Variants in BCAS3 observed in about 807,000 individuals in gnomAD.
BCAS3 encodes BCAS3 microtubule associated cell migration factor.
Under a neutral mutation model 116.1 loss-of-function variants are expected in BCAS3, and 53 were observed. The ratio of observed to expected loss-of-function variants is 0.46; its 90% confidence interval spans 0.37 to 0.57. BCAS3 has a LOEUF of 0.57. Ranked by LOEUF, BCAS3 falls within the 20% of genes least tolerant of loss-of-function variation. The pLI is 0.00. For missense variants in BCAS3, 917 were observed against 1,165.4 expected (o/e 0.79, Z 3.10); for synonymous variants, 391 against 408.2 (o/e 0.96, Z 0.51).
chr17:60,736,932 C>CCCTT (rs373354139), intron 5 of BCAS3, among the ~76,000 whole-genome samples: 49 of 133,296 alleles, frequency 3.7e-4, no homozygotes, highest in African/African-American at 8.6e-4. Context: ...CTTCCTCCCT[C>CCCTT]CCTTCCTTCC....
At chr17:60,955,134 T>A (rs1472627468) in intron 14 of BCAS3, among the ~76,000 whole-genome samples, 4 of 152,198 alleles carry the variant, frequency 2.6e-5, no homozygotes, top group African/African-American at 9.7e-5. Context: ...TCATTGATTT[T>A]TATATGCATA....
In BCAS3 at chr17:61,013,810, A is replaced by G. The variant is rs1422818499; in HGVS notation, c.1487-1941A>G. ...AATATAAAAGGATAGATTTGTGTCC[A>G]AGGAAGAAGTAACATTTGGTTAAGC... is the stretch of plus-strand genomic sequence containing the variant. On this transcript the variant is annotated intron_variant, in intron 15 of 23. Coordinates refer to ENST00000407086, the MANE Select transcript of BCAS3 (RefSeq NM_017679.5). This position sits in a 1 kb window ranked among gnomAD's most constrained non-coding sequence, Gnocchi z 4.4. Among the ~76,000 whole-genome samples the G allele has an allele frequency of 6.6e-6, 1 of 152,138 alleles. No homozygotes were observed. Among genetic ancestry groups the G allele is most frequent in the Non-Finnish European group, 1.5e-5 (1 of 67,974 alleles).
At chr17:60,852,270 A>G (rs2053242156) in intron 7 of BCAS3, among the ~76,000 whole-genome samples, 1 of 151,530 alleles carries the variant, frequency 6.6e-6, no homozygotes, top group Non-Finnish European at 1.5e-5. Flanking sequence ...AAAGAAAACC[A>G]CTCTTTGATT....
Position 60,842,582 on chromosome 17 carries a change from C to T in BCAS3, c.477-25994C>T, listed in dbSNP as rs56910113. ...TTTTGCCAATATTCTGCATACTCTA[C>T]GGGACATGATCTTCTGTGATTCTAC... On this transcript the variant is annotated intron_variant, in intron 7 of 23. Coordinates refer to ENST00000407086, the MANE Select transcript of BCAS3 (RefSeq NM_017679.5). Among the ~76,000 whole-genome samples, 395 of 152,072 alleles carry T rather than the reference C, an allele frequency of 2.6e-3. 4 individuals carry two copies. Among genetic ancestry groups the T allele is most frequent in the Middle Eastern group, 0.01 (3 of 294 alleles).
chr17:60,698,305 G>C (rs1228685184), intron 4 of BCAS3, among the ~76,000 whole-genome samples: 1 of 151,686 alleles, frequency 6.6e-6, no homozygotes, highest in East Asian at 1.9e-4. Flanking sequence ...TAATAACTTT[G>C]AGGAATAATA....
In BCAS3 at chr17:61,344,691, G is replaced by A. The variant is rs2057392896; in HGVS notation, c.2426-23636G>A. 6.6e-6 allele frequency among the ~76,000 whole-genome samples: 1 copy of A among 152,114 alleles called. No individual in the cohort carries two copies. Among genetic ancestry groups the A allele is most frequent in the South Asian group, 2.1e-4 (1 of 4,830 alleles). ...TAAGCTGCAGTTGAGGGATGAGCAA[G>A]GCGAAGATGTAAAGGCCCTGGGGTG... On this transcript the variant is annotated intron_variant, in intron 22 of 23. Transcript: ENST00000407086. The surrounding 1 kb of genome is among the most constrained non-coding windows in gnomAD (Gnocchi z 4.1).
intron 22 of BCAS3, among the ~76,000 whole-genome samples, chr17:61,108,177 T>C (rs1021446868): frequency 6.6e-6 from 1 of 152,226 alleles, no homozygotes; most frequent in Non-Finnish European, 1.5e-5. Context: ...CTTTCTCTTA[T>C]CTGGTAATTT....
chr17:60,729,890 C>A (rs2040288328), intron 5 of BCAS3, among the ~76,000 whole-genome samples: 1 of 152,216 alleles, frequency 6.6e-6, no homozygotes, highest in Non-Finnish European at 1.5e-5. Context: ...CCGACACTCT[C>A]TATAATGGTG....
intron 5 of BCAS3, among the ~76,000 whole-genome samples, chr17:60,724,523 G>A (rs1000980445): frequency 2.6e-5 from 4 of 151,198 alleles, no homozygotes; most frequent in African/African-American, 7.3e-5. Flanking sequence ...TCAGGAGTTC[G>A]AGACCATCTT....
chr17:60,980,620 C>T (rs988715409), intron 14 of BCAS3: 1 of 150,658 alleles, frequency 6.6e-6, no homozygotes, highest in African/African-American at 2.5e-5. Flanking sequence ...CCAATCTTGA[C>T]CTCCCTGGGC....
chr17:61,087,103 A>G lies in BCAS3; in HGVS notation c.2425+2539A>G. On this transcript the variant is annotated intron_variant, in intron 22 of 23. Transcript: ENST00000407086. The surrounding 1 kb of genome is among the most constrained non-coding windows in gnomAD (Gnocchi z 4.6). Reference sequence around the variant, plus strand: ...AAATTTTGTTGTAGATTCTTCTGTTAAAAAGAATCTAATAAATTTTTATAA... The same window carrying G: ...AAATTTTGTTGTAGATTCTTCTGTTGAAAAGAATCTAATAAATTTTTATAA... 1.0e-6 allele frequency: 1 copy of G among 983,940 alleles called. No homozygotes were observed. The highest frequency in any genetic ancestry group is 1.2e-6 in the Non-Finnish European group (1 of 828,570). The allele number at this position is 983,940 out of a possible 1,614,324, so 61.0% of individuals were successfully genotyped here. A position where few individuals can be genotyped will look rare whatever the true frequency, so the allele number is the denominator to read the frequency against.
chr17:61,140,034 G>C lies in BCAS3; in HGVS notation c.2425+55470G>C, dbSNP rs989604305. ...ATAGATCACTTGAGGTCAGGAGTTC[G>C]AGGTCAGACTGGCCAATATAGTGAA... On this transcript the variant is annotated intron_variant, in intron 22 of 23. Coordinates refer to ENST00000407086, the MANE Select transcript of BCAS3 (RefSeq NM_017679.5). The surrounding 1 kb of genome is among the most constrained non-coding windows in gnomAD (Gnocchi z 4.2). 6.6e-6 allele frequency among the ~76,000 whole-genome samples: 1 copy of C among 152,052 alleles called. No individual in the cohort carries two copies. The highest frequency in any genetic ancestry group is 2.4e-5 in the African/African-American group (1 of 41,384).
intron 22 of BCAS3, among the ~76,000 whole-genome samples, chr17:61,230,959 C>CTTTTT (rs763299746): frequency 1.6e-5 from 2 of 121,850 alleles, no homozygotes; most frequent in Non-Finnish European, 3.4e-5. Flanking sequence ...TAGTTTTTGC[C>CTTTTT]TTTTTTTTTT....
intron 22 of BCAS3, among the ~76,000 whole-genome samples, chr17:61,193,526 G>T (rs1355280381): frequency 6.7e-6 from 1 of 149,536 alleles, no homozygotes; most frequent in Non-Finnish European, 1.5e-5. Flanking sequence ...GGGAGGCCGA[G>T]ATGGGTGGAT....
chr17:60,842,979 C>A (rs2052104446), intron 7 of BCAS3, among the ~76,000 whole-genome samples: 1 of 151,572 alleles, frequency 6.6e-6, no homozygotes, highest in Admixed American at 6.6e-5. Flanking sequence ...TCAACGTATC[C>A]TCTCTCCTCA....
chr17:60,863,624 C>T (rs775570010), intron 7 of BCAS3, among the ~76,000 whole-genome samples: 7 of 151,840 alleles, frequency 4.6e-5, no homozygotes, highest in African/African-American at 1.2e-4. Flanking sequence ...TATGGTGGTG[C>T]GCACCTGTAG....
intron 7 of BCAS3, among the ~76,000 whole-genome samples, chr17:60,809,866 A>G (rs899859071): frequency 1.3e-5 from 2 of 152,230 alleles, no homozygotes; most frequent in East Asian, 1.9e-4. Flanking sequence ...CCACTAAGAT[A>G]CATAGATGCA....
intron 22 of BCAS3, among the ~76,000 whole-genome samples, chr17:61,299,744 A>G (rs1363054644): frequency 2.0e-5 from 3 of 152,182 alleles, no homozygotes; most frequent in Admixed American, 6.5e-5. Context: ...TGGTAATGAA[A>G]CTGAAATGTT....
intron 5 of BCAS3, among the ~76,000 whole-genome samples, chr17:60,724,536 C>T (rs2039621172): frequency 6.6e-6 from 1 of 151,264 alleles, no homozygotes; most frequent in Admixed American, 6.6e-5. Context: ...ACCATCTTGG[C>T]CAACACGGTG....
Sources: gnomAD v4.1 joint callset for allele counts (sites outside exome capture counted in the v4.1 genomes callset) on GRCh38, gnomAD v4.1.1 for gene constraint, Gnocchi (gnomAD v3.1) non-coding constraint, MANE v1.5 for transcripts, NCBI Gene and HGNC (gene_info 2026-07-23, HGNC 2026-07-21) for gene names.